COBLL1: variants seen among roughly 807,000 people sequenced by gnomAD.
The protein encoded by COBLL1 is cordon-bleu protein-like 1.
A neutral mutation model predicts 94.8 loss-of-function variants in COBLL1; 50 were observed. The observed-to-expected ratio is 0.53, with a 90% CI of 0.42 to 0.67. The LOEUF (loss-of-function observed/expected upper bound fraction) is 0.67. COBLL1 is among the 30% of genes least tolerant of loss of function. The pLI, the probability that COBLL1 is intolerant of heterozygous loss-of-function variation, is 0.00. For missense variants in COBLL1, 1,362 were observed against 1,348.7 expected (o/e 1.01, Z -0.15); for synonymous variants, 448 against 473.8 (o/e 0.95, Z 0.71).
chr2:164,800,943 G>C (rs1272744368), intron 2 of COBLL1, among the ~76,000 whole-genome samples: 1 of 152,168 alleles, frequency 6.6e-6, no homozygotes, highest in Non-Finnish European at 1.5e-5. Context: ...TTTCTGGAGG[G>C]ATGGAACCAG....
chr2:164,817,547 T>C (rs1684831065), intron 2 of COBLL1, among the ~76,000 whole-genome samples: 1 of 152,112 alleles, frequency 6.6e-6, no homozygotes, highest in Non-Finnish European at 1.5e-5. Context: ...ACGTTACTCC[T>C]CAATCTCCAA....
intron 2 of COBLL1, among the ~76,000 whole-genome samples, chr2:164,757,813 A>AAATAAT (rs992040949): frequency 6.6e-6 from 1 of 151,284 alleles, no homozygotes; most frequent in Non-Finnish European, 1.5e-5. Flanking sequence ...CTGTCTCAAA[A>AAATAAT]AATAATAATA....
chr2:164,828,041 A>G (rs1249974481), intron 2 of COBLL1, among the ~76,000 whole-genome samples: 2 of 152,306 alleles, frequency 1.3e-5, no homozygotes, highest in Admixed American at 1.3e-4. Context: ...ATAAAATAGT[A>G]ATTTTAATGG....
intron 2 of COBLL1, among the ~76,000 whole-genome samples, chr2:164,660,623 G>A (rs185921284): frequency 2.0e-5 from 3 of 152,154 alleles, no homozygotes; most frequent in Admixed American, 1.3e-4. Flanking sequence ...TGTTATTAAT[G>A]GTTTCTGTCA....
At chr2:164,689,637 C>T (rs935999575) in intron 13 of COBLL1, among the ~76,000 whole-genome samples, 2 of 152,098 alleles carry the variant, frequency 1.3e-5, no homozygotes, top group Non-Finnish European at 2.9e-5. Flanking sequence ...TACAATGCAC[C>T]ACTCATGTCA....
rs1559033315 is a variant in COBLL1, at chr2:164,805,321, C to CTATATATA, written c.41+35834_41+35835insTATATATA. Among the ~76,000 whole-genome samples the CTATATATA allele has an allele frequency of 2.5e-4, 9 of 35,586 alleles. 1 individual carries two copies. Among genetic ancestry groups the CTATATATA allele is most frequent in the African/African-American group, 1.0e-3 (9 of 8,994 alleles). 23.3% of individuals were successfully genotyped at this position (35,586 alleles called of 152,430 possible). On this transcript the variant is annotated intron_variant, in intron 2 of 13. Transcript: ENST00000652658. ...TCTCTCTCTCTCTCTCTCTCTCTCT[C>CTATATATA]TCTCTCTCTCTCTCTCTATATATAT...
intron 2 of COBLL1, among the ~76,000 whole-genome samples, chr2:164,834,774 G>C (rs906181140): frequency 1.3e-5 from 2 of 152,136 alleles, no homozygotes; most frequent in Non-Finnish European, 2.9e-5. Context: ...TATAAATACA[G>C]GTGGAGGATA....
At chr2:164,764,206 C>T (rs756716360) in intron 2 of COBLL1, among the ~76,000 whole-genome samples, 9 of 152,088 alleles carry the variant, frequency 5.9e-5, no homozygotes, top group Non-Finnish European at 1.0e-4. Flanking sequence ...GCTAGCTTTT[C>T]TTTTTTATAT....
chr2:164,765,826 C>A (rs891071473), intron 2 of COBLL1, among the ~76,000 whole-genome samples: 1 of 152,112 alleles, frequency 6.6e-6, no homozygotes, highest in Non-Finnish European at 1.5e-5. Flanking sequence ...GTCGCTTTTG[C>A]CTTTTCATCT....
chr2:164,692,601 C>A (rs1683677017), intron 12 of COBLL1: 1 of 458,848 alleles, frequency 2.2e-6, no homozygotes, highest in Admixed American at 3.9e-5. Flanking sequence ...CTCTCTTGAA[C>A]TCAGGAAGCC....
intron 3 of COBLL1, chr2:164,743,212 G>A (rs1190754626): frequency 6.6e-6 from 1 of 152,218 alleles, no homozygotes; most frequent in Non-Finnish European, 1.5e-5. Context: ...TAACTGTTTT[G>A]ATACATACAA....
chr2:164,700,238 A>G (rs2105443593), intron 10 of COBLL1, among the ~76,000 whole-genome samples: 1 of 152,308 alleles, frequency 6.6e-6, no homozygotes, highest in Admixed American at 6.5e-5. Flanking sequence ...GTTAACAGGC[A>G]AAACACCCAC....
Position 164,704,434 on chromosome 2 carries a change from G to A in COBLL1, c.1225+10C>T. The A allele has an allele frequency of 6.4e-7, 1 of 1,570,706 alleles. No individual in the cohort carries two copies. The highest frequency in any genetic ancestry group is 1.1e-5 in the South Asian group (1 of 90,112). On this transcript the variant is annotated intron_variant, in intron 9 of 13. Coordinates refer to ENST00000652658, the MANE Select transcript of COBLL1 (RefSeq NM_001365672.2). ...CAGTAATTACACCATGTAGAATAAG[G>A]GTGTCATACCTGGGCTGGATAGCTC...
chr2:164,796,911 G>T (rs994821290), intron 2 of COBLL1, among the ~76,000 whole-genome samples: 2 of 152,120 alleles, frequency 1.3e-5, no homozygotes, highest in Middle Eastern at 6.8e-3. Context: ...GGAGTTCAAG[G>T]TTACTGTGAG....
chr2:164,730,053 T>C lies in COBLL1; in HGVS notation c.293A>G (p.Tyr98Cys). The change falls in exon 4 of 14, where the codon TAC becomes TGC. Residue 98 changes from tyrosine (Y) to cysteine (C), a missense_variant. By Grantham distance (194) the Tyr-to-Cys change is radical. Transcript: ENST00000652658. Reference protein sequence around the residue: ...CAQYHLNPSSYTIDLLSAEQN... With the variant: ...CAQYHLNPSSCTIDLLSAEQN... ...TTCAGCTGACAACAGATCGATTGTGTAACTTGATGGATTTAAGTGATACTG... is the reference window on the plus strand; with the variant it reads ...TTCAGCTGACAACAGATCGATTGTGCAACTTGATGGATTTAAGTGATACTG... 7.4e-6 allele frequency: 12 copies of C among 1,614,092 alleles called. No individual in the cohort carries two copies. Among genetic ancestry groups the C allele is most frequent in the Non-Finnish European group, 1.0e-5 (12 of 1,179,962 alleles).
Position 164,694,781 on chromosome 2 carries a change from T to C in COBLL1, c.2611A>G (p.Met871Val), listed in dbSNP as rs776485277. 1 of 1,613,472 alleles carries C rather than the reference T, an allele frequency of 6.2e-7. No homozygotes were observed. The highest frequency in any genetic ancestry group is 8.5e-7 in the Non-Finnish European group (1 of 1,179,860). The stretch of plus-strand genomic sequence containing the variant: ...TAGTGACCCGATACTCTCTTCTGCA[T>C]CTGCAAAAAAAAAGAGCTGGGTTTG... Reference protein sequence around the residue: ...QAKPSSFFLQMQKRVSGHYVT... With the variant: ...QAKPSSFFLQVQKRVSGHYVT... The change falls in exon 12 of 14, where the codon ATG becomes GTG. Residue 871 changes from methionine (M) to valine (V), a missense_variant. Met to Val is a conservative substitution (Grantham distance 21). Coordinates refer to ENST00000652658, the MANE Select transcript of COBLL1 (RefSeq NM_001365672.2).
rs369895381 is a variant in COBLL1, at chr2:164,798,758, G to A, written c.41+42398C>T. Among the ~76,000 whole-genome samples the A allele has an allele frequency of 1.5e-4, 22 of 149,794 alleles. No homozygotes were observed. In the South Asian group the frequency reaches 1.9e-3, roughly 13 times the overall value. Reference sequence around the variant, plus strand: ...AAGCAGGCTGGGGGCAGTGGCTCACGCCTGTAATCCCAGCACTTTGGGAGG... The same window carrying A: ...AAGCAGGCTGGGGGCAGTGGCTCACACCTGTAATCCCAGCACTTTGGGAGG... On this transcript the variant is annotated intron_variant, in intron 2 of 13. Coordinates refer to ENST00000652658, the MANE Select transcript of COBLL1 (RefSeq NM_001365672.2).
Position 164,680,259 on chromosome 2 carries a change from T to C in COBLL1, c.*5687A>G, listed in dbSNP as rs1322346181. ...ACATGCAGACAAGTTAAAAATCATG[T>C]ACAATATAACCCACATACCCACCAC... On this transcript the variant is annotated 3_prime_UTR_variant, in exon 14 of 14. Transcript: ENST00000652658. The C allele has an allele frequency of 6.6e-6, 1 of 152,106 alleles. No homozygotes were observed. The highest frequency in any genetic ancestry group is 6.6e-5 in the Admixed American group (1 of 15,254). The allele number at this position is 152,106 out of a possible 1,614,324, so 9.4% of individuals were successfully genotyped here. A position where few individuals can be genotyped will look rare whatever the true frequency, so the allele number is the denominator to read the frequency against.
chr2:164,768,258 T>C (rs141713839), intron 2 of COBLL1, among the ~76,000 whole-genome samples: 168 of 152,294 alleles, frequency 1.1e-3, no homozygotes, highest in Middle Eastern at 6.8e-3. Context: ...ATACTGTGGA[T>C]AGATCACATG....
Sources: allele counts gnomAD v4.1 joint callset (sites outside exome capture counted in the v4.1 genomes callset), GRCh38; gene constraint gnomAD v4.1.1; transcripts MANE v1.5; gene names NCBI Gene and HGNC (gene_info 2026-07-23, HGNC 2026-07-21).